VPS51: variants seen among roughly 807,000 people sequenced by gnomAD.
VPS51 encodes vacuolar protein sorting-associated protein 51 homolog.
A neutral mutation model predicts 65.1 loss-of-function variants in VPS51; 55 were observed. The ratio of observed to expected loss-of-function variants is 0.84; its 90% CI spans 0.68 to 1.06. The LOEUF (loss-of-function observed/expected upper bound fraction) is 1.06. Ranked by LOEUF, VPS51 falls within the 50% of genes least tolerant of loss-of-function variation. VPS51 has a pLI of 0.00. For missense variants in VPS51, 943 were observed against 1,101.6 expected (o/e 0.86, Z 2.04); for synonymous variants, 473 against 489.5 (o/e 0.97, Z 0.44).
Position 65,097,059 on chromosome 11 carries a change from TC to T in VPS51, c.292del (p.Arg98GlyfsTer3). On this transcript the variant is annotated frameshift_variant, in exon 2 of 10. Transcript: ENST00000279281. LOFTEE classifies it high-confidence loss of function. Reference sequence around the variant, plus strand: ...AGTGAGACGGACATGGTGCGGCAGATCCGGGCTCTAGACAGCGACATGCAGA... The same window carrying T: ...AGTGAGACGGACATGGTGCGGCAGATCGGGCTCTAGACAGCGACATGCAGA... ...MDSETDMVRQ[I>X]RALDSDMQTL... 1 of 1,613,942 alleles carries T rather than the reference TC, an allele frequency of 6.2e-7. No homozygotes were observed. Among genetic ancestry groups the T allele is most frequent in the Non-Finnish European group, 8.5e-7 (1 of 1,180,012 alleles).
Position 65,110,709 on chromosome 11 carries a change from C to T in VPS51, c.2016C>T (p.Thr672=), listed in dbSNP as rs192420080. 3.1e-6 allele frequency: 5 copies of T among 1,614,170 alleles called. No individual in the cohort carries two copies. The African/African-American group carries it at 5.3e-5, about 17-fold the overall frequency. ...CCCAATCCAGTGCCCCGATGGACACCAACCTCTTGAGCAATATCCAGAAGC... is the reference window on the plus strand; with the variant it reads ...CCCAATCCAGTGCCCCGATGGACACTAACCTCTTGAGCAATATCCAGAAGC... ...PSYTPSAPMD[T]NLLSNIQKLF... is the part of the protein sequence containing the mutation. Residue 672 remains threonine, a synonymous_variant, in exon 9 of 10, where the codon ACC becomes ACT. Transcript: ENST00000279281.
chr11:65,096,508 G>T, intron 1 of VPS51, 30 bp downstream of exon 1: 1 of 1,113,774 alleles, frequency 9.0e-7, no homozygotes, highest in East Asian at 2.8e-5. Context: ...GGGGGGGTGC[G>T]GGGAGGGGGG....
Position 65,110,275 on chromosome 11 carries a change from C to T in VPS51, c.1879-207C>T, listed in dbSNP as rs755751127. ...GTTGGTGCTGGTGCTGAAGATTAGA[C>T]CTCAGACCAACTCTTGTATCCTGCC... On this transcript the variant is annotated intron_variant, in intron 7 of 9. Coordinates refer to ENST00000279281, the MANE Select transcript of VPS51 (RefSeq NM_013265.4). 38 of 861,290 alleles carry T rather than the reference C, an allele frequency of 4.4e-5. No homozygotes were observed. The Middle Eastern group carries it at 1.1e-3, about 24-fold the overall frequency. 53.4% of individuals were successfully genotyped at this position (861,290 alleles called of 1,614,324 possible).
At chr11:65,098,864 G>C (rs1387765703) in intron 2 of VPS51, among the ~76,000 whole-genome samples, 2 of 152,168 alleles carry the variant, frequency 1.3e-5, no homozygotes, top group African/African-American at 4.8e-5. Context: ...GGAAAAGTGT[G>C]AGGATAACCA....
At chr11:65,111,295 C>A (rs372252495) in intron 9 of VPS51, 32 bp from the exon 10 acceptor site, 2 of 1,599,210 alleles carry the variant, frequency 1.3e-6, no homozygotes, top group African/African-American at 1.3e-5. Context: ...ACCTGCAGTC[C>A]CCAAGCTGCA....
At chr11:65,108,043 C>T in intron 4 of VPS51, 21 bp downstream of exon 4, 1 of 1,490,364 alleles carries the variant, frequency 6.7e-7, no homozygotes, top group Non-Finnish European at 8.9e-7. Flanking sequence ...TCTGCCCTGA[C>T]CCCAGCGCTC....
In VPS51 at chr11:65,107,334, C is replaced by T; in HGVS notation, c.359-247C>T. 1.6e-6 allele frequency: 1 copy of T among 621,124 alleles called. No individual in the cohort carries two copies. Among genetic ancestry groups the T allele is most frequent in the Non-Finnish European group, 3.0e-6 (1 of 337,414 alleles). 38.5% of individuals were successfully genotyped at this position (621,124 alleles called of 1,614,324 possible). A position where few individuals can be genotyped will look rare whatever the true frequency, so the allele number is the denominator to read the frequency against. On this transcript the variant is annotated intron_variant, in intron 2 of 9. Transcript: ENST00000279281. The surrounding 1 kb of genome is among the most constrained non-coding windows in gnomAD (Gnocchi z 4.0). ...GATCTGGACTAATTCTGAGGGCCGG[C>T]TCTCCTGGGCACCAGGGTTAGGGGG...
chr11:65,108,165 GC>G (rs1947856927), intron 4 of VPS51, 31 bp from the exon 5 acceptor site: 1 of 1,589,516 alleles, frequency 6.3e-7, no homozygotes, highest in Non-Finnish European at 8.5e-7. Flanking sequence ...GGCAGCCCCG[GC>G]CCTGCCCTTC....
chr11:65,109,414 G>C lies in VPS51; in HGVS notation c.1578G>C (p.Leu526=). The stretch of plus-strand genomic sequence containing the variant: ...CCACACCACCTGCCCTGCTCCTGCT[G>C]CTCTCCCGCCTCTGCCTGGACTACG... ...GGATPPALLL[L]LSRLCLDYET... Residue 526 remains leucine (L), a synonymous_variant, in exon 6 of 10, where the codon CTG becomes CTC. Coordinates refer to ENST00000279281, the MANE Select transcript of VPS51 (RefSeq NM_013265.4). 6.2e-7 allele frequency: 1 copy of C among 1,610,874 alleles called. No individual in the cohort carries two copies. Among genetic ancestry groups the C allele is most frequent in the Non-Finnish European group, 8.5e-7 (1 of 1,180,008 alleles).
At chr11:65,098,172 CTCTG>C (rs143524862) in intron 2 of VPS51, among the ~76,000 whole-genome samples, 1,607 of 152,008 alleles carry the variant, frequency 0.011, 23 homozygotes, top group African/African-American at 0.036. Flanking sequence ...CAGAGCAAGA[CTCTG>C]TCTGAAAAAA....
chr11:65,108,841 T>C lies in VPS51; in HGVS notation c.1370T>C (p.Ile457Thr), dbSNP rs201089305. The change falls in exon 5 of 10, where the codon ATT becomes ACT. Residue 457 changes from isoleucine (I) to threonine (T), a missense_variant. Ile to Thr is a moderately conservative substitution (Grantham distance 89, BLOSUM62 -1). This residue lies in a region of VPS51 where 855 missense variants were observed against 953.7 expected (regional missense o/e 0.90). Coordinates refer to ENST00000279281, the MANE Select transcript of VPS51 (RefSeq NM_013265.4). ...GTGGCCAGCTCCATCCTGAGCCACATTAAGGCCTCTCTGGCAGCAGTGCAC... is the reference window on the plus strand; with the variant it reads ...GTGGCCAGCTCCATCCTGAGCCACACTAAGGCCTCTCTGGCAGCAGTGCAC... The part of the protein sequence containing the change: ...ANVASSILSH[I>T]KASLAAVHLF... 35 of 1,612,838 alleles carry C rather than the reference T, an allele frequency of 2.2e-5. No homozygotes were observed. Among genetic ancestry groups the C allele is most frequent in the Non-Finnish European group, 1.1e-5 (13 of 1,179,996 alleles).
Position 65,109,355 on chromosome 11 carries a change from A to G in VPS51, c.1519A>G (p.Ser507Gly). ...FVHSMCQTAQ[S>G]FCDSPGEKGG... Reference sequence around the variant, plus strand: ...CCACTCTATGTGCCAGACGGCTCAGAGCTTCTGCGACAGCCCTGGGGAGAA... The same window carrying G: ...CCACTCTATGTGCCAGACGGCTCAGGGCTTCTGCGACAGCCCTGGGGAGAA... The change falls in exon 6 of 10, where the codon AGC becomes GGC. Residue 507 changes from serine (S) to glycine (G), a missense_variant. Physicochemically the swap from Ser to Gly is moderately conservative, Grantham distance 56 (BLOSUM62 0). This residue lies in a region of VPS51 where 855 missense variants were observed against 953.7 expected (regional missense o/e 0.90). Transcript: ENST00000279281. The G allele has an allele frequency of 6.2e-7, 1 of 1,613,474 alleles. No individual in the cohort carries two copies. The highest frequency in any genetic ancestry group is 8.5e-7 in the Non-Finnish European group (1 of 1,179,980).
chr11:65,100,098 G>A (rs907274932), intron 2 of VPS51, among the ~76,000 whole-genome samples: 16 of 152,116 alleles, frequency 1.1e-4, no homozygotes, highest in Middle Eastern at 3.4e-3. Flanking sequence ...GCGAGACTCC[G>A]TCTCAAAAAT....
At chr11:65,096,819 C>G in intron 1 of VPS51, 179 bp from the exon 2 acceptor site, 1 of 901,450 alleles carries the variant, frequency 1.1e-6, no homozygotes, top group Middle Eastern at 3.5e-4. Context: ...ACGGTTGAAC[C>G]TAGTAACCCC....
rs762358158 is a variant in VPS51 at position 65,108,184 on chromosome 11, C to G, written c.726-13C>G. The G allele has an allele frequency of 1.1e-4, 178 of 1,597,098 alleles. No homozygotes were observed. Among genetic ancestry groups the G allele is most frequent in the Non-Finnish European group, 1.5e-4 (174 of 1,176,720 alleles). Reference sequence around the variant, plus strand: ...GCCCCGGCCCTGCCCTTCACTACCTCTCCCTCGTGCAGGGAGGGCGGCTCA... The same window carrying G: ...GCCCCGGCCCTGCCCTTCACTACCTGTCCCTCGTGCAGGGAGGGCGGCTCA... On this transcript the variant is annotated splice_polypyrimidine_tract_variant and intron_variant, in intron 4 of 9. Coordinates refer to ENST00000279281, the MANE Select transcript of VPS51 (RefSeq NM_013265.4).
In VPS51 at chr11:65,110,528, ACTC is replaced by A; in HGVS notation, c.1927_1929del (p.Ser644del). ...GGTGTTCGCAAGGCCCAGAGCAGCG[ACTC>A]CAGCAAGAGGACTTTCTCCGTGTAC... On this transcript the variant is annotated inframe_deletion, in exon 8 of 10. Transcript: ENST00000279281. The A allele has an allele frequency of 6.2e-7, 1 of 1,613,374 alleles. No individual in the cohort carries two copies. The highest frequency in any genetic ancestry group is 8.5e-7 in the Non-Finnish European group (1 of 1,179,844).
In VPS51 at chr11:65,110,570, A is replaced by G; in HGVS notation, c.1967A>G (p.Gln656Arg). 1 of 1,614,048 alleles carries G rather than the reference A, an allele frequency of 6.2e-7. No individual in the cohort carries two copies. Among genetic ancestry groups the G allele is most frequent in the Non-Finnish European group, 8.5e-7 (1 of 1,180,020 alleles). Residue 656 changes from glutamine to arginine, a missense_variant, in exon 8 of 10, where the codon CAG becomes CGG. Transcript: ENST00000279281. Reference sequence around the variant, plus strand: ...TTCTCCGTGTACAGCAGCTCTCGGCAGCAGGGCCGCTACGCCCCCAGCTAT... The same window carrying G: ...TTCTCCGTGTACAGCAGCTCTCGGCGGCAGGGCCGCTACGCCCCCAGCTAT... ...RTFSVYSSSR[Q>R]QGRYAPSYTP...
At chr11:65,105,931 G>A (rs1273258212) in intron 2 of VPS51, among the ~76,000 whole-genome samples, 1 of 152,196 alleles carries the variant, frequency 6.6e-6, no homozygotes, top group Non-Finnish European at 1.5e-5. Context: ...GGAGCATGGA[G>A]TTTCCATGCC....
chr11:65,101,584 C>T (rs1027761009), intron 2 of VPS51, among the ~76,000 whole-genome samples: 1 of 151,622 alleles, frequency 6.6e-6, no homozygotes, highest in Non-Finnish European at 1.5e-5. Flanking sequence ...TCCTGGCCAA[C>T]AGGTTATACC....
Sources: gnomAD v4.1 joint callset for allele counts (sites outside exome capture counted in the v4.1 genomes callset) on GRCh38, gnomAD v4.1.1 for gene constraint, gnomAD v4.1.1 regional missense constraint, Gnocchi (gnomAD v3.1) non-coding constraint, MANE v1.5 for transcripts, NCBI Gene and HGNC (gene_info 2026-07-23, HGNC 2026-07-21) for gene names.